EBF1: variants seen among roughly 807,000 people sequenced by gnomAD.
The protein encoded by EBF1 is EBF transcription factor 1, also known as transcription factor COE1.
In EBF1, 10 loss-of-function variants were observed where a neutral mutation model predicts 68.4. The observed-to-expected ratio is 0.15, with a 90% CI of 0.09 to 0.25. The LOEUF (loss-of-function observed/expected upper bound fraction) is 0.25. EBF1 is among the 10% of genes least tolerant of loss of function. The probability of loss-of-function intolerance (pLI) is 1.00; values close to 1 mark genes in which losing one functional copy is unlikely to be tolerated. For missense variants in EBF1, 509 were observed against 794.4 expected, an observed-to-expected ratio of 0.64 and a Z score of 4.32; for synonymous variants, 298 against 299.8, an observed-to-expected ratio of 0.99 and a Z score of 0.06.
chr5:158,950,787 C>G (rs1815793165), intron 6 of EBF1, among the ~76,000 whole-genome samples: 1 of 152,114 alleles, frequency 6.6e-6, no homozygotes, highest in South Asian at 2.1e-4. Context: ...GTCATCCTTC[C>G]CTGTTCACTC....
chr5:159,026,980 T>C (rs762469465), intron 6 of EBF1, among the ~76,000 whole-genome samples: 11 of 152,204 alleles, frequency 7.2e-5, no homozygotes, highest in Non-Finnish European at 1.5e-4. Context: ...GTTTGGGCCC[T>C]GCCTAATTTC....
intron 6 of EBF1, among the ~76,000 whole-genome samples, chr5:158,858,013 C>A (rs532307893): frequency 1.7e-4 from 26 of 152,182 alleles, no homozygotes; most frequent in African/African-American, 6.0e-4. Context: ...AAAACTTTTT[C>A]TCCCTCTCCT....
intron 6 of EBF1, among the ~76,000 whole-genome samples, chr5:159,042,620 G>T (rs1771451030): frequency 6.6e-6 from 1 of 151,888 alleles, no homozygotes; most frequent in South Asian, 2.1e-4. Flanking sequence ...GCATGTGTGT[G>T]TGTATGTTTT....
At position 158,714,103 on chromosome 5, in the gene EBF1, C is replaced by T; in HGVS notation, c.1191+14G>A. The T allele has an allele frequency of 6.2e-7, 1 of 1,613,984 alleles. No homozygotes were observed. Among genetic ancestry groups the T allele is most frequent in the Non-Finnish European group, 8.5e-7 (1 of 1,179,842 alleles). On this transcript the variant is annotated intron_variant, in intron 12 of 15. Coordinates refer to ENST00000313708, the MANE Select transcript of EBF1 (RefSeq NM_024007.5). The stretch of plus-strand genomic sequence containing the variant: ...TGTGGCAGTCCACACAGGCTAGACA[C>T]CCACAGCGCTCACCTGGTTGTTGTG...
At position 158,708,159 on chromosome 5, in the gene EBF1, G is replaced by A; in HGVS notation, c.1564C>T (p.Pro522Ser). 2 of 1,581,338 alleles carry A rather than the reference G, an allele frequency of 1.3e-6. No homozygotes were observed. The highest frequency in any genetic ancestry group is 1.7e-6 in the Non-Finnish European group (2 of 1,163,080). The part of the protein sequence containing the change: ...NSPYAIVPSS[P>S]TMASSTSLPS... Reference sequence around the variant, plus strand: ...AGGCTTGTGGAGGAGGCCATGGTGGGGCTGGATGGCACTACTGAGAGGGGC... The same window carrying A: ...AGGCTTGTGGAGGAGGCCATGGTGGAGCTGGATGGCACTACTGAGAGGGGC... Residue 522 changes from proline (P) to serine (S), a missense_variant, in exon 15 of 16, where the codon CCC (proline) becomes TCC (serine). Physicochemically the swap from Pro to Ser is moderately conservative, Grantham distance 74. This residue lies in a region of EBF1 where 205 missense variants were observed against 247.4 expected (regional missense o/e 0.83). Coordinates refer to ENST00000313708, the MANE Select transcript of EBF1 (RefSeq NM_024007.5).
intron 6 of EBF1, among the ~76,000 whole-genome samples, chr5:158,902,361 C>CTGACTTGA (rs1243367756): frequency 6.6e-6 from 1 of 151,656 alleles, no homozygotes; most frequent in African/African-American, 2.4e-5. Context: ...AAGTCACAAG[C>CTGACTTGA]TGACTTGATT....
Position 158,947,625 on chromosome 5 carries a change from C to A in EBF1, c.555-107515G>T, listed in dbSNP as rs538139648. On this transcript the variant is annotated intron_variant, in intron 6 of 15. Transcript: ENST00000313708. ...TCTCACTGGGAGCTGCAGACAGGAGCTGTTCCTATTCGGCCATCTTGCCTG... is the reference window on the plus strand; with the variant it reads ...TCTCACTGGGAGCTGCAGACAGGAGATGTTCCTATTCGGCCATCTTGCCTG... Among the ~76,000 whole-genome samples, 155 of 152,344 alleles carry A rather than the reference C, an allele frequency of 1.0e-3. 1 individual carries two copies. The highest frequency in any genetic ancestry group is 3.5e-3 in the African/African-American group (147 of 41,584).
chr5:159,006,647 TA>T (rs36045942), intron 6 of EBF1, among the ~76,000 whole-genome samples: 156 of 56,174 alleles, frequency 2.8e-3, no homozygotes, highest in East Asian at 0.021. Context: ...ATAGCCATGT[TA>T]AAAAAAAAAA....
At chr5:158,941,340 G>A in intron 6 of EBF1, 1 of 442,138 alleles carries the variant, frequency 2.3e-6, no homozygotes, top group Admixed American at 2.4e-5. Context: ...CAAGAACCCA[G>A]CTTTTCAGAG....
chr5:158,915,558 T>C (rs1389074975), intron 6 of EBF1, among the ~76,000 whole-genome samples: 2 of 152,108 alleles, frequency 1.3e-5, no homozygotes, highest in Non-Finnish European at 2.9e-5. Flanking sequence ...ATTGGACATT[T>C]ATGTAAAGCA....
intron 6 of EBF1, among the ~76,000 whole-genome samples, chr5:158,997,649 T>G (rs1445765180): frequency 6.6e-6 from 1 of 152,202 alleles, no homozygotes; most frequent in Admixed American, 6.5e-5. Context: ...CCTTACGCCA[T>G]GCAAATTTAT....
chr5:159,073,712 A>G (rs1007543409), intron 5 of EBF1: 17 of 507,996 alleles, frequency 3.3e-5, no homozygotes, highest in Non-Finnish European at 4.9e-5. Context: ...AAGACTCAGA[A>G]CCCCAAGATG....
At chr5:158,844,862 A>T (rs1420722585) in intron 6 of EBF1, among the ~76,000 whole-genome samples, 1 of 152,210 alleles carries the variant, frequency 6.6e-6, no homozygotes, top group Non-Finnish European at 1.5e-5. Context: ...AACCCAATAC[A>T]AACATTTGTA....
At chr5:158,779,939 G>C (rs1293899383) in intron 9 of EBF1, among the ~76,000 whole-genome samples, 2 of 152,124 alleles carry the variant, frequency 1.3e-5, no homozygotes, top group Non-Finnish European at 2.9e-5. Flanking sequence ...CTAAAGCAGA[G>C]ATTCCTTCTA....
intron 6 of EBF1, among the ~76,000 whole-genome samples, chr5:158,872,071 C>T (rs31195): frequency 0.069 from 10,479 of 152,214 alleles, 486 homozygotes; most frequent in Non-Finnish European, 0.1. Context: ...ATTCTGTTGC[C>T]AAAACAGACA....
intron 10 of EBF1, among the ~76,000 whole-genome samples, chr5:158,747,133 A>G (rs1238105062): frequency 6.6e-6 from 1 of 152,184 alleles, no homozygotes; most frequent in Non-Finnish European, 1.5e-5. Flanking sequence ...CCAGGCTTGG[A>G]AAGCCTAAGT....
At chr5:159,019,818 G>T (rs1308937039) in intron 6 of EBF1, among the ~76,000 whole-genome samples, 1 of 151,834 alleles carries the variant, frequency 6.6e-6, no homozygotes, top group Non-Finnish European at 1.5e-5. Flanking sequence ...TTCTCTTACT[G>T]CTCCGATTGT....
intron 7 of EBF1, among the ~76,000 whole-genome samples, chr5:158,824,448 G>A (rs1269883439): frequency 1.3e-5 from 2 of 152,188 alleles, no homozygotes; most frequent in Non-Finnish European, 2.9e-5. Context: ...ATGGCAAGAG[G>A]GCTAATAGAT....
At chr5:158,915,784 AAAG>A in intron 6 of EBF1, among the ~76,000 whole-genome samples, 1 of 152,236 alleles carries the variant, frequency 6.6e-6, no homozygotes, top group Non-Finnish European at 1.5e-5. Context: ...AAAAACAAGA[AAAG>A]AAGTTATAAA....
Sources: allele counts gnomAD v4.1 joint callset (sites outside exome capture counted in the v4.1 genomes callset), GRCh38; gene constraint gnomAD v4.1.1; regional missense constraint gnomAD v4.1.1; transcripts MANE v1.5; gene names NCBI Gene and HGNC (gene_info 2026-07-23, HGNC 2026-07-21).